RGSL1: variants seen among roughly 807,000 people sequenced by gnomAD.
RGSL1 encodes the protein regulator of G protein signaling like 1.
RGSL1 carries 97 observed loss-of-function variants against 124.7 expected under a neutral mutation model. That is an observed-to-expected ratio of 0.78 (90% CI 0.66 to 0.92). The LOEUF is 0.92. Among genes scored for constraint, RGSL1 ranks in the 40% least tolerant of loss-of-function variants. The pLI, the probability that RGSL1 is intolerant of heterozygous loss-of-function variation, is 0.00. For missense variants in RGSL1, 1,233 were observed against 1,288.4 expected (o/e 0.96, Z 0.66); for synonymous variants, 424 against 438.1 (o/e 0.97, Z 0.40).
chr1:182,465,828 C>G (rs1653275711), intron 4 of RGSL1, among the ~76,000 whole-genome samples: 1 of 152,030 alleles, frequency 6.6e-6, no homozygotes, highest in Non-Finnish European at 1.5e-5. Context: ...GCCAGCATTA[C>G]CCTGATACTA....
In RGSL1 at chr1:182,497,228, A is replaced by AAGAT. The variant is rs66530449; in HGVS notation, c.1825+4121_1825+4124dup. ...ATGATAGGAATGAAAAAGAGATAGA[A>AAGAT]AGATAGATAGATAGATAGATAGATA... On this transcript the variant is annotated intron_variant, in intron 9 of 21. Transcript: ENST00000294854. 2.2e-4 allele frequency among the ~76,000 whole-genome samples: 33 copies of AAGAT among 146,838 alleles called. No homozygotes were observed. In the East Asian group the frequency reaches 3.2e-3, roughly 14 times the overall value.
At chr1:182,555,908 G>A (rs552485261) in intron 20 of RGSL1, 116 bp from the exon 21 acceptor site, 2 of 854,806 alleles carry the variant, frequency 2.3e-6, no homozygotes, top group Admixed American at 2.3e-5. Context: ...AAGCCTGAAG[G>A]TTTCAGTTTT....
intron 14 of RGSL1, among the ~76,000 whole-genome samples, chr1:182,533,296 CTT>C (rs71573276): frequency 1.1e-4 from 12 of 107,686 alleles, no homozygotes; most frequent in African/African-American, 1.7e-4. Context: ...TAACTTGCTT[CTT>C]TTTTTTTTTT....
At position 182,459,654 on chromosome 1, in the gene RGSL1, A is replaced by G. The variant is rs537775846; in HGVS notation, c.172-350A>G. On this transcript the variant is annotated intron_variant, in intron 3 of 21. Coordinates refer to ENST00000294854, the MANE Select transcript of RGSL1 (RefSeq NM_001137669.2). ...ACAAAGAAGCAAGTTGAATAGAGTT[A>G]TGATCTGACACCACAGACCCAAATC... 5.3e-5 allele frequency among the ~76,000 whole-genome samples: 8 copies of G among 152,346 alleles called. No homozygotes were observed. The South Asian group carries it at 1.7e-3, about 32-fold the overall frequency.
intron 9 of RGSL1, among the ~76,000 whole-genome samples, chr1:182,516,372 A>G (rs534511694): frequency 7.0e-4 from 106 of 152,322 alleles, no homozygotes; most frequent in African/African-American, 2.3e-3. Flanking sequence ...TCTTGCAGGT[A>G]GCATATAGTT....
At chr1:182,536,520 A>G (rs143145913) in intron 14 of RGSL1, among the ~76,000 whole-genome samples, 132 of 152,258 alleles carry the variant, frequency 8.7e-4, no homozygotes, top group African/African-American at 3.0e-3. Context: ...ATCTTGTTTT[A>G]GTTTAATTTT....
At chr1:182,522,226 T>C (rs1658400962) in intron 10 of RGSL1, 117 bp downstream of exon 10, 1 of 693,420 alleles carries the variant, frequency 1.4e-6, no homozygotes, top group Non-Finnish European at 2.5e-6. Context: ...CTTTTCCATA[T>C]ACAATACATA....
chr1:182,545,007 A>G (rs1485132923), intron 15 of RGSL1, among the ~76,000 whole-genome samples: 1 of 152,120 alleles, frequency 6.6e-6, no homozygotes, highest in African/African-American at 2.4e-5. Flanking sequence ...CTTATTAATA[A>G]GTAAGAACTT....
At position 182,532,762 on chromosome 1, in the gene RGSL1, T is replaced by C; in HGVS notation, c.2465T>C (p.Leu822Pro). 1 of 1,550,844 alleles carries C rather than the reference T, an allele frequency of 6.4e-7. No homozygotes were observed. The highest frequency in any genetic ancestry group is 8.7e-7 in the Non-Finnish European group (1 of 1,146,336). The change falls in exon 14 of 22, where the codon CTT becomes CCT. Residue 822 changes from leucine to proline, a missense_variant. Physicochemically the swap from Leu to Pro is moderately conservative, Grantham distance 98. Coordinates refer to ENST00000294854, the MANE Select transcript of RGSL1 (RefSeq NM_001137669.2). Reference sequence around the variant, plus strand: ...AAGCGCCAGGAATTTGAAGACTATCTTCACCAGGAAATGCAAAATAGCAAG... The same window carrying C: ...AAGCGCCAGGAATTTGAAGACTATCCTCACCAGGAAATGCAAAATAGCAAG... ...PSKRQEFEDY[L>P]HQEMQNSKEN... is the part of the protein sequence containing the mutation.
rs545670783 is a variant in RGSL1 at position 182,541,217 on chromosome 1, C to T, written c.2669+796C>T. Among the ~76,000 whole-genome samples, 8 of 152,178 alleles carry T rather than the reference C, an allele frequency of 5.3e-5. No individual in the cohort carries two copies. In the South Asian group the frequency reaches 1.5e-3, roughly 28 times the overall value. The stretch of plus-strand genomic sequence containing the variant: ...CTTCTATCTAACTGTGTATTTGTAC[C>T]TCTTGATCAAACTGTCTTCATCACC... On this transcript the variant is annotated intron_variant, in intron 15 of 21. Coordinates refer to ENST00000294854, the MANE Select transcript of RGSL1 (RefSeq NM_001137669.2).
At chr1:182,464,913 C>A (rs1287578765) in intron 4 of RGSL1, among the ~76,000 whole-genome samples, 1 of 151,462 alleles carries the variant, frequency 6.6e-6, no homozygotes, top group African/African-American at 2.4e-5. Flanking sequence ...ATAATGAGAC[C>A]CAGTATTCAC....
At chr1:182,551,318 G>T in intron 18 of RGSL1, 109 bp downstream of exon 18, 1 of 836,428 alleles carries the variant, frequency 1.2e-6, no homozygotes. Flanking sequence ...GTGTTTGCTG[G>T]AGCCGGGACA....
chr1:182,542,855 T>C (rs1015904628), intron 15 of RGSL1, among the ~76,000 whole-genome samples: 1 of 152,160 alleles, frequency 6.6e-6, no homozygotes, highest in Non-Finnish European at 1.5e-5. Flanking sequence ...TTTTTCAGAT[T>C]GTTCATTGTT....
At chr1:182,468,241 A>C (rs1653513225) in intron 4 of RGSL1, among the ~76,000 whole-genome samples, 1 of 152,218 alleles carries the variant, frequency 6.6e-6, no homozygotes, top group South Asian at 2.1e-4. Flanking sequence ...TAGAAATACC[A>C]TTTGACCCAG....
intron 6 of RGSL1, among the ~76,000 whole-genome samples, chr1:182,477,077 G>A (rs1012961289): frequency 2.0e-5 from 3 of 152,190 alleles, no homozygotes; most frequent in African/African-American, 7.2e-5. Flanking sequence ...ATAGAAACAT[G>A]GACTTGCCAA....
intron 9 of RGSL1, among the ~76,000 whole-genome samples, chr1:182,504,554 C>T (rs1254392424): frequency 7.5e-6 from 1 of 133,568 alleles, no homozygotes; most frequent in Non-Finnish European, 1.5e-5. Context: ...TATAATGTAG[C>T]AACTATGGAA....
At chr1:182,469,609 A>G (rs1653649709) in intron 4 of RGSL1, among the ~76,000 whole-genome samples, 1 of 152,210 alleles carries the variant, frequency 6.6e-6, no homozygotes, top group African/African-American at 2.4e-5. Context: ...TTTCTCAAAA[A>G]TTAAAAATAG....
At chr1:182,497,179 G>C (rs12760367) in intron 9 of RGSL1, among the ~76,000 whole-genome samples, 15,158 of 151,746 alleles carry the variant, frequency 0.1, 869 homozygotes, top group South Asian at 0.12. Flanking sequence ...CTACATCAAT[G>C]TGAACTGCTT....
intron 10 of RGSL1, among the ~76,000 whole-genome samples, chr1:182,527,280 G>A (rs904163689): frequency 6.6e-6 from 1 of 152,078 alleles, no homozygotes; most frequent in African/African-American, 2.4e-5. Context: ...ATTAGGAGTC[G>A]TTTTGAACCC....
Sources: allele counts gnomAD v4.1 joint callset (sites outside exome capture counted in the v4.1 genomes callset), GRCh38; gene constraint gnomAD v4.1.1; transcripts MANE v1.5; gene names NCBI Gene and HGNC (gene_info 2026-07-23, HGNC 2026-07-21).